PPP1R13B: variants seen among roughly 807,000 people sequenced by gnomAD.
PPP1R13B encodes the protein protein phosphatase 1 regulatory subunit 13B, also known as apoptosis-stimulating of p53 protein 1.
PPP1R13B carries 44 observed loss-of-function variants against 119.8 expected under a neutral mutation model. That is an observed-to-expected ratio of 0.37 (90% CI 0.29 to 0.47). The LOEUF (loss-of-function observed/expected upper bound fraction) is 0.47, where lower values mean the gene tolerates loss of function less well. PPP1R13B is among the 20% of genes least tolerant of loss of function. The probability of loss-of-function intolerance (pLI) is 0.99; values close to 1 mark genes in which losing one functional copy is unlikely to be tolerated. For synonymous variants in PPP1R13B, 542 were observed against 561.5 expected, an observed-to-expected ratio of 0.97 and a Z score of 0.49; for missense variants, 1,227 against 1,413.5, an observed-to-expected ratio of 0.87 and a Z score of 2.12.
chr14:103,735,974 G>A (rs373424099), intron 16 of PPP1R13B, 29 bp downstream of exon 16: 1 of 1,612,402 alleles, frequency 6.2e-7, no homozygotes, highest in Non-Finnish European at 8.5e-7. Flanking sequence ...CGGGCAGCTA[G>A]TTTCCCAGTA....
Position 103,740,003 on chromosome 14 carries a change from T to G in PPP1R13B, c.2413A>C (p.Ile805Leu). 6.2e-7 allele frequency: 1 copy of G among 1,614,122 alleles called. No individual in the cohort carries two copies. Among genetic ancestry groups the G allele is most frequent in the South Asian group, 1.1e-5 (1 of 91,088 alleles). The change falls in exon 12 of 17, where the codon ATC (isoleucine) becomes CTC (leucine). Residue 805 changes from isoleucine (I) to leucine (L), a missense_variant. Ile to Leu is a conservative substitution (Grantham distance 5). Coordinates refer to ENST00000202556, the MANE Select transcript of PPP1R13B (RefSeq NM_015316.3). The surrounding 1 kb of genome is among the most constrained non-coding windows in gnomAD (Gnocchi z 4.6). Reference protein sequence around the residue: ...ELPSPEPEELICPQTTHQTAE... With the variant: ...ELPSPEPEELLCPQTTHQTAE... ...GTTTGGTGGGTGGTTTGGGGACAGA[T>G]GAGCTCCTCTGGTTCGGGGGAAGGT...
chr14:103,804,639 G>T (rs2085975467), intron 1 of PPP1R13B, among the ~76,000 whole-genome samples: 1 of 152,030 alleles, frequency 6.6e-6, no homozygotes, highest in Non-Finnish European at 1.5e-5. Context: ...GGACACTGAG[G>T]TAGAGGATCA....
At chr14:103,763,851 C>G (rs1011918373) in intron 4 of PPP1R13B, 2 of 152,266 alleles carry the variant, frequency 1.3e-5, no homozygotes, top group Non-Finnish European at 2.9e-5. Flanking sequence ...TGCTTTCTGT[C>G]TCTAGACTTA....
chr14:103,822,646 T>C (rs1303368133), intron 1 of PPP1R13B, among the ~76,000 whole-genome samples: 2 of 151,950 alleles, frequency 1.3e-5, no homozygotes, highest in Non-Finnish European at 2.9e-5. Context: ...ACCCCATTTC[T>C]ACTAAAAATA....
At chr14:103,833,441 T>G (rs2086704340) in intron 1 of PPP1R13B, among the ~76,000 whole-genome samples, 2 of 151,862 alleles carry the variant, frequency 1.3e-5, no homozygotes, top group Admixed American at 1.3e-4. Context: ...GTCAGGAGTT[T>G]AAGACCAGCC....
rs773548142 is a variant in PPP1R13B at position 103,739,965 on chromosome 14, T to C, written c.2451A>G (p.Ala817=). 1.2e-5 allele frequency: 20 copies of C among 1,614,144 alleles called. No homozygotes were observed. The East Asian group carries it at 1.8e-4, about 14-fold the overall frequency. The stretch of plus-strand genomic sequence containing the variant: ...TGGCCACGTTGTTGTTATTGTCCTC[T>C]GCCGGCTCGGCAGTTTGGTGGGTGG... ...PQTTHQTAEP[A]EDNNNNVATV... Residue 817 remains alanine (A), a synonymous_variant, in exon 12 of 17, where the codon GCA becomes GCG. Transcript: ENST00000202556.
At chr14:103,771,657 T>C (rs2085072982) in intron 4 of PPP1R13B, among the ~76,000 whole-genome samples, 1 of 151,904 alleles carries the variant, frequency 6.6e-6, no homozygotes, top group Admixed American at 6.6e-5. Flanking sequence ...ATTTTTGTAT[T>C]TTTAGTAGAG....
chr14:103,737,640 A>C, intron 15 of PPP1R13B, 54 bp downstream of exon 15: 1 of 1,568,210 alleles, frequency 6.4e-7, no homozygotes. Context: ...GACTGTTGCC[A>C]TGGCAGTACC....
chr14:103,766,313 G>A (rs965408867), intron 4 of PPP1R13B, among the ~76,000 whole-genome samples: 7 of 151,994 alleles, frequency 4.6e-5, no homozygotes, highest in African/African-American at 1.5e-4. Context: ...TGGCCCCTAG[G>A]AGGAAAATTC....
intron 7 of PPP1R13B, 137 bp downstream of exon 7, chr14:103,752,863 A>G: frequency 2.1e-6 from 2 of 973,512 alleles, no homozygotes; most frequent in Non-Finnish European, 3.0e-6. Flanking sequence ...ATTATTTTGT[A>G]CTGAATATAT....
At chr14:103,762,235 T>A (rs2084824510) in intron 4 of PPP1R13B, among the ~76,000 whole-genome samples, 1 of 152,210 alleles carries the variant, frequency 6.6e-6, no homozygotes, top group Admixed American at 6.5e-5. Context: ...TAACTATGAA[T>A]GGTGCTTTTT....
At position 103,740,097 on chromosome 14, in the gene PPP1R13B, G is replaced by A; in HGVS notation, c.2319C>T (p.Pro773=). ...GGAGTGGGGCTGTGGGCTGGGCAGG[G>A]GGGAGCTCTTCCAGGTTTCCATTGG... is the stretch of plus-strand genomic sequence containing the variant. ...TNANGNLEEL[P]PAQPTAPLPA... is the part of the protein sequence containing the mutation. Residue 773 remains proline, a synonymous_variant, in exon 12 of 17, where the codon CCC becomes CCT. Transcript: ENST00000202556. The surrounding 1 kb of genome is among the most constrained non-coding windows in gnomAD (Gnocchi z 4.6). 3.7e-6 allele frequency: 6 copies of A among 1,613,856 alleles called. No individual in the cohort carries two copies. Among genetic ancestry groups the A allele is most frequent in the Non-Finnish European group, 5.1e-6 (6 of 1,180,036 alleles).
chr14:103,818,417 TTG>T, intron 1 of PPP1R13B: 1 of 882,294 alleles, frequency 1.1e-6, no homozygotes, highest in Non-Finnish European at 1.4e-6. Context: ...ATTTCTACTC[TTG>T]CAAACAACAA....
chr14:103,846,681 C>T (rs1209197595), intron 1 of PPP1R13B: 6 of 452,796 alleles, frequency 1.3e-5, no homozygotes, highest in South Asian at 3.1e-5. Context: ...TAGGCGAAAG[C>T]ATCCTTAAGG....
At chr14:103,767,486 G>A (rs2084964380) in intron 4 of PPP1R13B, among the ~76,000 whole-genome samples, 1 of 151,938 alleles carries the variant, frequency 6.6e-6, no homozygotes, top group Non-Finnish European at 1.5e-5. Flanking sequence ...AGCAAACAAT[G>A]ACCTCACAAG....
At chr14:103,754,949 T>A (rs2084639964) in intron 5 of PPP1R13B, among the ~76,000 whole-genome samples, 1 of 151,910 alleles carries the variant, frequency 6.6e-6, no homozygotes, top group Non-Finnish European at 1.5e-5. Flanking sequence ...CCAGCTAATT[T>A]TTTTGTATTT....
At chr14:103,818,927 G>A (rs183378065) in intron 1 of PPP1R13B, among the ~76,000 whole-genome samples, 1 of 152,222 alleles carries the variant, frequency 6.6e-6, no homozygotes, top group Non-Finnish European at 1.5e-5. Flanking sequence ...AAGAAGACTG[G>A]GAATGGGGCA....
intron 2 of PPP1R13B, among the ~76,000 whole-genome samples, chr14:103,795,129 G>A (rs769221112): frequency 2.4e-4 from 37 of 151,996 alleles, no homozygotes; most frequent in Non-Finnish European, 5.0e-4. Context: ...GTAGAGATGG[G>A]GTTTTGACGT....
At chr14:103,799,914 G>A (rs1044212530) in intron 1 of PPP1R13B, among the ~76,000 whole-genome samples, 3 of 151,854 alleles carry the variant, frequency 2.0e-5, no homozygotes, top group East Asian at 1.9e-4. Context: ...AGCCAGGCGC[G>A]GTGGCACGCA....
Sources: allele counts gnomAD v4.1 joint callset (sites outside exome capture counted in the v4.1 genomes callset), GRCh38; gene constraint gnomAD v4.1.1; non-coding constraint Gnocchi (gnomAD v3.1); transcripts MANE v1.5; gene names NCBI Gene and HGNC (gene_info 2026-07-23, HGNC 2026-07-21).